NPSR1: variants seen among roughly 807,000 people sequenced by gnomAD.
NPSR1 encodes the protein neuropeptide S receptor.
In NPSR1, 48 loss-of-function variants were observed where a neutral mutation model predicts 46.9. The ratio of observed to expected loss-of-function variants is 1.02; its 90% CI spans 0.81 to 1.30. The LOEUF (loss-of-function observed/expected upper bound fraction) is 1.30, where lower values mean the gene tolerates loss of function less well. Among genes scored for constraint, NPSR1 ranks in the 50% most tolerant of loss-of-function variants. The pLI is 0.00. For missense variants in NPSR1, 450 were observed against 449.5 expected (o/e 1.00, Z -0.01); for synonymous variants, 176 against 168.1 (o/e 1.05, Z -0.36).
chr7:34,669,086 A>G (rs144470231), intron 1 of NPSR1, among the ~76,000 whole-genome samples: 97 of 152,320 alleles, frequency 6.4e-4, no homozygotes, highest in Admixed American at 1.8e-3. Flanking sequence ...TATAACCCAG[A>G]TAAGGCGCAT....
intron 1 of NPSR1, among the ~76,000 whole-genome samples, chr7:34,674,547 C>T (rs1340078591): frequency 1.3e-5 from 2 of 152,206 alleles, no homozygotes; most frequent in African/African-American, 2.4e-5. Context: ...TCATTGTCTT[C>T]TCACTGAGAA....
intron 5 of NPSR1, among the ~76,000 whole-genome samples, chr7:34,833,709 A>G (rs902653835): frequency 6.6e-6 from 1 of 152,232 alleles, no homozygotes; most frequent in Admixed American, 6.5e-5. Context: ...CATGCAAGGC[A>G]GCCATTCAAG....
chr7:34,697,973 A>T (rs1793618540), intron 2 of NPSR1, among the ~76,000 whole-genome samples: 1 of 152,160 alleles, frequency 6.6e-6, no homozygotes, highest in African/African-American at 2.4e-5. Flanking sequence ...TGTTTATAAA[A>T]GGTGTACACC....
At chr7:34,849,261 T>C (rs1790853702) in intron 8 of NPSR1, 4 of 1,062,638 alleles carry the variant, frequency 3.8e-6, no homozygotes, top group Admixed American at 4.0e-5. Context: ...TTCGTAGCGA[T>C]GTGTGACCTT....
At chr7:34,838,947 G>A (rs1038212474) in intron 6 of NPSR1, among the ~76,000 whole-genome samples, 3 of 152,250 alleles carry the variant, frequency 2.0e-5, no homozygotes, top group South Asian at 4.1e-4. Flanking sequence ...TCATGGCTTG[G>A]TGGATATGAT....
At chr7:34,766,562 G>T (rs1444398415) in intron 2 of NPSR1, among the ~76,000 whole-genome samples, 1 of 151,568 alleles carries the variant, frequency 6.6e-6, no homozygotes. Context: ...AATTTCAAAG[G>T]CATTATGATG....
intron 3 of NPSR1, among the ~76,000 whole-genome samples, chr7:34,806,532 A>C (rs1233284446): frequency 1.3e-5 from 2 of 152,140 alleles, no homozygotes; most frequent in Non-Finnish European, 2.9e-5. Flanking sequence ...AATAGATAAA[A>C]GCAGTGGATT....
rs376492918 is a variant in NPSR1, at chr7:34,817,693, T to C, written c.478+5830T>C. 2.0e-5 allele frequency among the ~76,000 whole-genome samples: 3 copies of C among 151,002 alleles called. No individual in the cohort carries two copies. The South Asian group carries it at 6.4e-4, about 32-fold the overall frequency. ...AATAAAGTACTGGCAAACTGAATCC[T>C]GCAGCACATCAAAAAGCTTATCCAC... On this transcript the variant is annotated intron_variant, in intron 4 of 8. Coordinates refer to ENST00000360581, the MANE Select transcript of NPSR1 (RefSeq NM_207172.2).
intron 3 of NPSR1, among the ~76,000 whole-genome samples, chr7:34,799,475 A>C (rs976921829): frequency 1.3e-5 from 2 of 151,764 alleles, no homozygotes; most frequent in African/African-American, 4.8e-5. Flanking sequence ...AAGCATCATA[A>C]GTGAAGGAGA....
chr7:34,857,440 T>A (rs1429311535), intron 8 of NPSR1, among the ~76,000 whole-genome samples: 8 of 151,224 alleles, frequency 5.3e-5, no homozygotes, highest in Non-Finnish European at 8.8e-5. Context: ...AGAAAAGGAG[T>A]CCAGGGAAAG....
In NPSR1 at chr7:34,735,901, T is replaced by C. The variant is rs1048049300; in HGVS notation, c.281-42561T>C. 5.9e-5 allele frequency among the ~76,000 whole-genome samples: 9 copies of C among 152,058 alleles called. 1 individual carries two copies. The highest frequency in any genetic ancestry group is 2.1e-4 in the South Asian group (1 of 4,824). ...AAAACTATTGACAATAAAATTGTAATAGTATAAAAAAATCTCAACATGAAT... is the reference window on the plus strand; with the variant it reads ...AAAACTATTGACAATAAAATTGTAACAGTATAAAAAAATCTCAACATGAAT... On this transcript the variant is annotated intron_variant, in intron 2 of 8. Transcript: ENST00000360581.
intron 6 of NPSR1, among the ~76,000 whole-genome samples, chr7:34,841,757 G>A (rs1307431550): frequency 1.3e-5 from 2 of 152,176 alleles, no homozygotes; most frequent in Non-Finnish European, 2.9e-5. Context: ...AGCACTGCGG[G>A]TTTCCATTTT....
chr7:34,683,577 T>C (rs1011309973), intron 1 of NPSR1, among the ~76,000 whole-genome samples: 3 of 152,320 alleles, frequency 2.0e-5, no homozygotes, highest in African/African-American at 7.2e-5. Context: ...GACTGAGTAA[T>C]TTATAAAGAA....
At chr7:34,732,753 G>C (rs1428935963) in intron 2 of NPSR1, among the ~76,000 whole-genome samples, 1 of 152,180 alleles carries the variant, frequency 6.6e-6, no homozygotes, top group Non-Finnish European at 1.5e-5. Flanking sequence ...ACAAGCAAAT[G>C]AGGCTGTGGA....
chr7:34,729,624 G>GGGCC (rs1784327968), intron 2 of NPSR1, among the ~76,000 whole-genome samples: 2 of 152,124 alleles, frequency 1.3e-5, no homozygotes, highest in African/African-American at 4.8e-5. Flanking sequence ...AATAAGACAT[G>GGGCC]TAATTAAAGA....
chr7:34,808,359 A>G (rs922900668), intron 3 of NPSR1, among the ~76,000 whole-genome samples: 2 of 152,178 alleles, frequency 1.3e-5, no homozygotes, highest in African/African-American at 4.8e-5. Flanking sequence ...CTCCATTTTT[A>G]TTTTACTCTA....
At chr7:34,830,446 G>GT (rs1334846385) in intron 5 of NPSR1, among the ~76,000 whole-genome samples, 3 of 151,286 alleles carry the variant, frequency 2.0e-5, no homozygotes, top group Admixed American at 6.6e-5. Flanking sequence ...TGCCATTTTT[G>GT]TTTTTTTTAA....
At chr7:34,694,433 A>AAATAG (rs1278683543) in intron 2 of NPSR1, among the ~76,000 whole-genome samples, 1 of 152,180 alleles carries the variant, frequency 6.6e-6, no homozygotes, top group African/African-American at 2.4e-5. Flanking sequence ...AAATAAAATA[A>AAATAG]TAAAACACCT....
In NPSR1 at chr7:34,849,596, T is replaced by C; in HGVS notation, c.1057T>C (p.Phe353Leu). The change falls in exon 9 of 9, where the codon TTC becomes CTC. Residue 353 changes from phenylalanine (F) to leucine (L), a missense_variant. By Grantham distance (22) the Phe-to-Leu change is conservative. Transcript: ENST00000360581. ...AAGATCACAGGATTCCAGAATGACGTTCCGGGAGAGAACTGAGAGGCATGA... is the reference window on the plus strand; with the variant it reads ...AAGATCACAGGATTCCAGAATGACGCTCCGGGAGAGAACTGAGAGGCATGA... ...EQRSQDSRMTFRERTERHEMQ... is the reference protein window; with the variant it reads ...EQRSQDSRMTLRERTERHEMQ... The C allele has an allele frequency of 6.2e-7, 1 of 1,614,178 alleles. No homozygotes were observed. Among genetic ancestry groups the C allele is most frequent in the South Asian group, 1.1e-5 (1 of 91,078 alleles).
Sources: gnomAD v4.1 joint callset for allele counts (sites outside exome capture counted in the v4.1 genomes callset) on GRCh38, gnomAD v4.1.1 for gene constraint, MANE v1.5 for transcripts, NCBI Gene and HGNC (gene_info 2026-07-23, HGNC 2026-07-21) for gene names.